The following INPP5B variants were observed in gnomAD, a reference collection of about 807,000 sequenced individuals.
INPP5B encodes the protein type II inositol 1,4,5-trisphosphate 5-phosphatase.
Under a neutral mutation model 118.5 loss-of-function variants are expected in INPP5B, and 90 were observed. The ratio of observed to expected loss-of-function variants is 0.76; its 90% CI spans 0.64 to 0.90. The LOEUF is 0.90. Ranked by LOEUF, INPP5B falls within the 40% of genes least tolerant of loss-of-function variation. The pLI is 0.00. For missense variants in INPP5B, 984 were observed against 1,125.6 expected (o/e 0.87, Z 1.80); for synonymous variants, 385 against 418.9 (o/e 0.92, Z 0.99).
chr1:37,891,792 CAAAT>C (rs1297485279), intron 7 of INPP5B, among the ~76,000 whole-genome samples: 1 of 152,074 alleles, frequency 6.6e-6, no homozygotes, highest in Non-Finnish European at 1.5e-5. Flanking sequence ...AACAAACAAA[CAAAT>C]AAATAAATAA....
Position 37,873,146 on chromosome 1 carries a change from G to A in INPP5B, c.1971C>T (p.Asp657=), listed in dbSNP as rs963346558. 16 of 1,612,960 alleles carry A rather than the reference G, an allele frequency of 9.9e-6. No homozygotes were observed. The highest frequency in any genetic ancestry group is 1.4e-5 in the Non-Finnish European group (16 of 1,179,114). The stretch of plus-strand genomic sequence containing the variant: ...TCATCTTATTTACGAAGAGCTCCAA[G>A]TCAATCTCAACATCAGAATCTGCAG... ...FLLPDSDVEI[D]LELFVNKMTA... is the part of the protein sequence containing the mutation. Residue 657 remains aspartate (D), a synonymous_variant, in exon 19 of 24, where the codon GAC becomes GAT. Transcript: ENST00000373024.
At chr1:37,896,082 G>A (rs1187959000) in intron 7 of INPP5B, among the ~76,000 whole-genome samples, 7 of 150,184 alleles carry the variant, frequency 4.7e-5, no homozygotes, top group Non-Finnish European at 7.4e-5. Context: ...GCCTCTTCCC[G>A]GCCGCCATCA....
chr1:37,908,933 T>A (rs1370488403), intron 7 of INPP5B, among the ~76,000 whole-genome samples: 2 of 152,078 alleles, frequency 1.3e-5, no homozygotes, highest in Admixed American at 1.3e-4. Context: ...TCTCCCTTCT[T>A]CTCCTTTAGC....
At chr1:37,897,691 C>T (rs1644173121) in intron 7 of INPP5B, among the ~76,000 whole-genome samples, 1 of 150,970 alleles carries the variant, frequency 6.6e-6, no homozygotes, top group African/African-American at 2.4e-5. Flanking sequence ...TGTGACCCTG[C>T]CAAATCCCCC....
At chr1:37,878,658 T>A (rs1451791973) in intron 15 of INPP5B, among the ~76,000 whole-genome samples, 1 of 151,984 alleles carries the variant, frequency 6.6e-6, no homozygotes, top group Non-Finnish European at 1.5e-5. Context: ...TTTATTTATT[T>A]ATTTTTATAG....
chr1:37,868,710 A>G (rs988535612), intron 19 of INPP5B, 96 bp from the exon 20 acceptor site: 1 of 764,740 alleles, frequency 1.3e-6, no homozygotes, highest in Admixed American at 1.9e-5. Context: ...AAAGGAAAAC[A>G]TTCCACTGCC....
At chr1:37,939,605 C>G (rs561821009) in intron 6 of INPP5B, among the ~76,000 whole-genome samples, 95 of 151,106 alleles carry the variant, frequency 6.3e-4, no homozygotes, top group African/African-American at 2.2e-3. Context: ...CCACCATGCC[C>G]GGCTAATTTT....
chr1:37,879,270 CA>C (rs560434492), intron 15 of INPP5B, among the ~76,000 whole-genome samples: 89 of 132,264 alleles, frequency 6.7e-4, no homozygotes, highest in Admixed American at 1.0e-3. Context: ...GACTCCGTCT[CA>C]AAAAAAAAAA....
intron 7 of INPP5B, chr1:37,931,004 T>A (rs1645435325): frequency 6.4e-6 from 1 of 155,766 alleles, no homozygotes; most frequent in Non-Finnish European, 1.4e-5. Flanking sequence ...CTGCAGGTCC[T>A]CCCAGAGCAC....
In INPP5B at chr1:37,875,597, C is replaced by T; in HGVS notation, c.1788+9G>A. On this transcript the variant is annotated intron_variant, in intron 17 of 23. Transcript: ENST00000373024. The stretch of plus-strand genomic sequence containing the variant: ...CCCAATGCTAATATTCTTAACATGT[C>T]CTTCCTACCTCTCGCTTGGACAGGG... 6.2e-7 allele frequency: 1 copy of T among 1,604,116 alleles called. No homozygotes were observed. Among genetic ancestry groups the T allele is most frequent in the Non-Finnish European group, 8.5e-7 (1 of 1,170,898 alleles).
intron 7 of INPP5B, among the ~76,000 whole-genome samples, chr1:37,915,578 C>T (rs1056149421): frequency 1.3e-5 from 2 of 152,118 alleles, no homozygotes; most frequent in Non-Finnish European, 2.9e-5. Context: ...TACCTATATG[C>T]ATTAGAAAGG....
At chr1:37,863,660 G>C (rs1381865903) in intron 23 of INPP5B, among the ~76,000 whole-genome samples, 3 of 151,858 alleles carry the variant, frequency 2.0e-5, no homozygotes, top group Admixed American at 6.6e-5. Flanking sequence ...CTGCACTCCA[G>C]CCTGGGTGAC....
chr1:37,908,656 G>A (rs537025651), intron 7 of INPP5B, among the ~76,000 whole-genome samples: 14 of 151,774 alleles, frequency 9.2e-5, no homozygotes, highest in Middle Eastern at 7.0e-3. Context: ...TCACGGACTC[G>A]GGAAGATAGT....
At chr1:37,908,728 G>T (rs1391874123) in intron 7 of INPP5B, among the ~76,000 whole-genome samples, 1 of 152,124 alleles carries the variant, frequency 6.6e-6, no homozygotes, top group South Asian at 2.1e-4. Flanking sequence ...CCCTCCACTG[G>T]TGTCTGATCA....
intron 11 of INPP5B, 108 bp downstream of exon 11, chr1:37,887,243 G>T: frequency 3.7e-6 from 3 of 819,030 alleles, no homozygotes; most frequent in Non-Finnish European, 6.1e-6. Context: ...AAAATTGCGG[G>T]ATAATTAAGA....
chr1:37,880,235 A>G, intron 14 of INPP5B, 41 bp from the exon 15 acceptor site: 1 of 1,460,002 alleles, frequency 6.8e-7, no homozygotes, highest in Non-Finnish European at 9.6e-7. Context: ...TCAGAATAAA[A>G]AGGTCAAACT....
intron 13 of INPP5B, among the ~76,000 whole-genome samples, chr1:37,884,769 G>C (rs544113364): frequency 1.0e-3 from 158 of 152,040 alleles, no homozygotes; most frequent in African/African-American, 3.5e-3. Context: ...GGCCAACATG[G>C]TGAAACCCCA....
chr1:37,920,337 G>A (rs970881618), intron 7 of INPP5B, among the ~76,000 whole-genome samples: 1 of 152,140 alleles, frequency 6.6e-6, no homozygotes, highest in African/African-American at 2.4e-5. Context: ...AAATAAGTAG[G>A]GAAAAGTTTT....
intron 7 of INPP5B, chr1:37,931,387 C>A: frequency 7.1e-7 from 1 of 1,412,752 alleles, no homozygotes. Context: ...AGAGGGGCAG[C>A]GAGTGGCCCG....
Sources: gnomAD v4.1 joint callset for allele counts (sites outside exome capture counted in the v4.1 genomes callset) on GRCh38, gnomAD v4.1.1 for gene constraint, MANE v1.5 for transcripts, NCBI Gene and HGNC (gene_info 2026-07-23, HGNC 2026-07-21) for gene names.